Variants in ASAP1 observed in about 807,000 individuals in gnomAD.
ASAP1 encodes the protein arf-GAP with SH3 domain, ANK repeat and PH domain-containing protein 1.
Under a neutral mutation model 145.2 loss-of-function variants are expected in ASAP1, and 43 were observed. The observed-to-expected ratio is 0.30, with a 90% CI of 0.23 to 0.38. The LOEUF (loss-of-function observed/expected upper bound fraction) is 0.38, where lower values mean the gene tolerates loss of function less well. Ranked by LOEUF, ASAP1 falls within the 10% of genes least tolerant of loss-of-function variation. ASAP1 has a pLI of 1.00. For synonymous variants in ASAP1, 546 were observed against 515.5 expected, an observed-to-expected ratio of 1.06 and a Z score of -0.80; for missense variants, 1,018 against 1,355.3, an observed-to-expected ratio of 0.75 and a Z score of 3.91.
At position 130,300,153 on chromosome 8, in the gene ASAP1, C is replaced by CAGAGAG. The variant is rs369720584; in HGVS notation, c.186+57858_186+57863dup. Among the ~76,000 whole-genome samples the CAGAGAG allele has an allele frequency of 3.5e-3, 273 of 76,910 alleles. 5 individuals carry two copies. Among genetic ancestry groups the CAGAGAG allele is most frequent in the African/African-American group, 7.5e-3 (139 of 18,490 alleles). The allele number at this position is 76,910 out of a possible 152,430, so 50.5% of individuals were successfully genotyped here. A position where few individuals can be genotyped will look rare whatever the true frequency, so the allele number is the denominator to read the frequency against. On this transcript the variant is annotated intron_variant, in intron 3 of 29. Coordinates refer to ENST00000518721, the MANE Select transcript of ASAP1 (RefSeq NM_018482.4). ...ACACACACACACACACACACACACA[C>CAGAGAG]AGAGAGAGAGAGAGAGAGAGAGAGA...
intron 27 of ASAP1, among the ~76,000 whole-genome samples, chr8:130,063,000 T>C (rs975516795): frequency 6.6e-6 from 1 of 152,070 alleles, no homozygotes; most frequent in African/African-American, 2.4e-5. Context: ...CAATGATATG[T>C]AGCCAATAAA....
At chr8:130,341,453 C>T (rs1235451745) in intron 3 of ASAP1, among the ~76,000 whole-genome samples, 2 of 152,160 alleles carry the variant, frequency 1.3e-5, no homozygotes, top group African/African-American at 2.4e-5. Context: ...GTATAAACCT[C>T]GGTTCTTTCC....
chr8:130,301,232 T>C (rs548065775), intron 3 of ASAP1, among the ~76,000 whole-genome samples: 73 of 152,346 alleles, frequency 4.8e-4, no homozygotes, highest in African/African-American at 1.5e-3. Context: ...AATGACATGT[T>C]GTACCAATGC....
chr8:130,357,249 A>T (rs990812706), intron 3 of ASAP1, among the ~76,000 whole-genome samples: 5 of 151,168 alleles, frequency 3.3e-5, no homozygotes, highest in African/African-American at 1.2e-4. Flanking sequence ...AGGTAAGAGG[A>T]GCTGTCTGAC....
intron 4 of ASAP1, among the ~76,000 whole-genome samples, chr8:130,219,073 T>C (rs762298915): frequency 6.6e-6 from 1 of 152,168 alleles, no homozygotes; most frequent in Non-Finnish European, 1.5e-5. Flanking sequence ...CTTAAAATAG[T>C]GTCTGGCATG....
Position 130,358,246 on chromosome 8 carries a change from C to CG in ASAP1, c.60-104_60-103insC. 1.2e-6 allele frequency: 1 copy of CG among 856,502 alleles called. No individual in the cohort carries two copies. Among genetic ancestry groups the CG allele is most frequent in the Non-Finnish European group, 1.5e-6 (1 of 680,982 alleles). The allele number at this position is 856,502 out of a possible 1,614,324, so 53.1% of individuals were successfully genotyped here. ...AGGCTCATGAACCCCGGCGCGCAGC[C>CG]CGCCACCCGCCGCCCGGCCTGGCGC... On this transcript the variant is annotated intron_variant, in intron 2 of 29. Transcript: ENST00000518721. This position sits in a 1 kb window ranked among gnomAD's most constrained non-coding sequence, Gnocchi z 4.1.
At chr8:130,338,605 C>T (rs530497822) in intron 3 of ASAP1, among the ~76,000 whole-genome samples, 1 of 152,218 alleles carries the variant, frequency 6.6e-6, no homozygotes, top group South Asian at 2.1e-4. Context: ...GAATTTTTTC[C>T]ATTTCTTTTA....
chr8:130,361,127 T>A (rs1379478342), intron 2 of ASAP1: 1 of 159,786 alleles, frequency 6.3e-6, no homozygotes, highest in Non-Finnish European at 1.4e-5. Context: ...ACCTGTCACC[T>A]CCACTGAGGT....
Position 130,342,711 on chromosome 8 carries a change from G to A in ASAP1, c.186+15306C>T, listed in dbSNP as rs151263325. ...CCAAAGGACAGCTCAAGGACAAAAT[G>A]TGAAATATAACTTGACTTTTAAAAA... is the stretch of plus-strand genomic sequence containing the variant. On this transcript the variant is annotated intron_variant, in intron 3 of 29. Transcript: ENST00000518721. Among the ~76,000 whole-genome samples the A allele has an allele frequency of 2.6e-4, 39 of 152,266 alleles. No homozygotes were observed. The East Asian group carries it at 6.9e-3, about 27-fold the overall frequency.
chr8:130,378,202 G>C (rs77094825), intron 2 of ASAP1, among the ~76,000 whole-genome samples: 2,630 of 152,308 alleles, frequency 0.017, 39 homozygotes, highest in East Asian at 0.052. Context: ...GTGGCCATGA[G>C]GATTAAACGA....
At chr8:130,332,087 C>T (rs754089411) in intron 3 of ASAP1, among the ~76,000 whole-genome samples, 40 of 152,294 alleles carry the variant, frequency 2.6e-4, no homozygotes, top group Middle Eastern at 3.4e-3. Flanking sequence ...TCTTGGAGGC[C>T]TGTTAACTTG....
intron 3 of ASAP1, among the ~76,000 whole-genome samples, chr8:130,281,329 T>C (rs564392337): frequency 1.3e-5 from 2 of 152,362 alleles, no homozygotes; most frequent in East Asian, 1.9e-4. Flanking sequence ...TTTAAGTTTT[T>C]ACAAATCTCT....
At chr8:130,152,590 CTTT>C (rs78606256) in intron 13 of ASAP1, 143 bp downstream of exon 13, 2,981 of 409,278 alleles carry the variant, frequency 7.3e-3, no homozygotes, top group South Asian at 9.2e-3. Flanking sequence ...CAAGATAAAA[CTTT>C]TTTTTTTTTT....
intron 9 of ASAP1, among the ~76,000 whole-genome samples, chr8:130,176,478 T>C (rs924122899): frequency 2.6e-5 from 4 of 152,144 alleles, no homozygotes; most frequent in Non-Finnish European, 4.4e-5. Context: ...TACTACTTGA[T>C]GTCTCAGAAC....
At chr8:130,097,865 G>GTGA (rs1187155803) in intron 24 of ASAP1, among the ~76,000 whole-genome samples, 1 of 152,128 alleles carries the variant, frequency 6.6e-6, no homozygotes, top group African/African-American at 2.4e-5. Context: ...TCCCCCAACA[G>GTGA]TACTCAGCAA....
rs1290317906 is a variant in ASAP1, at chr8:130,055,534, G to GT, written c.3316-730dup. 3.3e-5 allele frequency among the ~76,000 whole-genome samples: 4 copies of GT among 120,214 alleles called. No homozygotes were observed. The East Asian group carries it at 9.0e-4, about 27-fold the overall frequency. 78.9% of individuals were successfully genotyped at this position (120,214 alleles called of 152,430 possible). On this transcript the variant is annotated intron_variant, in intron 29 of 29. Coordinates refer to ENST00000518721, the MANE Select transcript of ASAP1 (RefSeq NM_018482.4). ...TGTGAGTAAAGTGTTGTTCTAGCCA[G>GT]TAAAAAAAAAAAAAAAAGGCTGCTA...
At chr8:130,373,986 T>TA (rs954347319) in intron 2 of ASAP1, among the ~76,000 whole-genome samples, 13 of 134,626 alleles carry the variant, frequency 9.7e-5, no homozygotes, top group African/African-American at 3.7e-4. Context: ...AATATAAAAT[T>TA]AAAAAATATT....
At chr8:130,167,418 G>A (rs1565041927) in intron 11 of ASAP1, 118 bp downstream of exon 11, 1 of 851,090 alleles carries the variant, frequency 1.2e-6, no homozygotes, top group Non-Finnish European at 2.1e-6. Context: ...CTTATGGTAG[G>A]TACATACTTG....
intron 18 of ASAP1, among the ~76,000 whole-genome samples, chr8:130,118,990 G>A (rs983910885): frequency 3.9e-5 from 6 of 152,104 alleles, no homozygotes; most frequent in African/African-American, 1.4e-4. Flanking sequence ...TGATATATAA[G>A]CATATGAATA....
Sources: gnomAD v4.1 joint callset for allele counts (sites outside exome capture counted in the v4.1 genomes callset) on GRCh38, gnomAD v4.1.1 for gene constraint, Gnocchi (gnomAD v3.1) non-coding constraint, MANE v1.5 for transcripts, NCBI Gene and HGNC (gene_info 2026-07-23, HGNC 2026-07-21) for gene names.